WDCP: variants seen among roughly 807,000 people sequenced by gnomAD.
WDCP encodes WD repeat and coiled-coil-containing protein.
Under a neutral mutation model 41.6 loss-of-function variants are expected in WDCP, and 19 were observed. That is an observed-to-expected ratio of 0.46 (90% CI 0.32 to 0.67). The LOEUF is 0.67. Ranked by LOEUF, WDCP falls within the 30% of genes least tolerant of loss-of-function variation. WDCP has a pLI of 0.04. For synonymous variants in WDCP, 302 were observed against 320.8 expected (o/e 0.94, Z 0.63); for missense variants, 802 against 850.7 (o/e 0.94, Z 0.71).
chr2:24,043,063 G>A (rs959474394), intron 1 of WDCP, among the ~76,000 whole-genome samples: 4 of 152,020 alleles, frequency 2.6e-5, no homozygotes, highest in Non-Finnish European at 4.4e-5. Context: ...ACTGGGCCAG[G>A]TGGCTCATGC....
intron 1 of WDCP, among the ~76,000 whole-genome samples, chr2:24,042,178 G>A (rs1006048723): frequency 1.3e-5 from 2 of 152,132 alleles, no homozygotes; most frequent in Non-Finnish European, 2.9e-5. Flanking sequence ...GAGAAGGGCA[G>A]ATCACGTGAG....
rs4041250 is a variant in WDCP, at chr2:24,045,631, G to GAGGA, written c.-19+1679_-19+1682dup. ...AAAAAAAAAAAAAAAGAGAGAGAGA[G>GAGGA]AGGAAGGAAGGAAGGAAGGAAGGAA... is the stretch of plus-strand genomic sequence containing the variant. On this transcript the variant is annotated intron_variant, in intron 1 of 3. Transcript: ENST00000295148. 2.4e-4 allele frequency among the ~76,000 whole-genome samples: 25 copies of GAGGA among 106,154 alleles called. No homozygotes were observed. The East Asian group carries it at 2.8e-3, about 12-fold the overall frequency. The allele number at this position is 106,154 out of a possible 152,430, so 69.6% of individuals were successfully genotyped here.
chr2:24,039,500 T>C lies in WDCP; in HGVS notation c.-6A>G, dbSNP rs776594505. On this transcript the variant is annotated 5_prime_UTR_variant, in exon 2 of 4. Coordinates refer to ENST00000295148, the MANE Select transcript of WDCP (RefSeq NM_025203.3). ...TTTCCTTTTCCCAACTCCATCCTTT[T>C]GATAAAGGTTACCTGAAATGATTAA... 3.1e-6 allele frequency: 5 copies of C among 1,608,280 alleles called. No individual in the cohort carries two copies. The highest frequency in any genetic ancestry group is 2.6e-6 in the Non-Finnish European group (3 of 1,175,510).
rs1663050053 is a variant in WDCP at position 24,029,441 on chromosome 2, T to C, written c.*1492A>G. The C allele has an allele frequency of 6.6e-6, 1 of 152,236 alleles. No individual in the cohort carries two copies. The highest frequency in any genetic ancestry group is 1.5e-5 in the Non-Finnish European group (1 of 68,042). 9.4% of individuals were successfully genotyped at this position (152,236 alleles called of 1,614,324 possible). A position where few individuals can be genotyped will look rare whatever the true frequency, so the allele number is the denominator to read the frequency against. ...CCCTTTTAGGTGCCCACATTGATCT[T>C]AGTTAACAGTCTTGTAGTTCCCTCT... On this transcript the variant is annotated 3_prime_UTR_variant, in exon 4 of 4. Coordinates refer to ENST00000295148, the MANE Select transcript of WDCP (RefSeq NM_025203.3).
chr2:24,043,482 G>A (rs113169897), intron 1 of WDCP, among the ~76,000 whole-genome samples: 2,244 of 146,672 alleles, frequency 0.015, 40 homozygotes, highest in Non-Finnish European at 0.02. Flanking sequence ...GCAAGATACT[G>A]TCTCTACTTA....
chr2:24,034,224 C>T (rs988214788), intron 2 of WDCP, among the ~76,000 whole-genome samples: 1 of 152,154 alleles, frequency 6.6e-6, no homozygotes, highest in Non-Finnish European at 1.5e-5. Flanking sequence ...AGTTCGAGAC[C>T]AGCCTGGCCA....
chr2:24,036,120 C>G (rs1663248826), intron 2 of WDCP, among the ~76,000 whole-genome samples: 1 of 143,156 alleles, frequency 7.0e-6, no homozygotes, highest in Admixed American at 6.9e-5. Context: ...TAAAATGCTC[C>G]TCACAGCAAA....
chr2:24,032,783 GGGA>G, intron 3 of WDCP, 43 bp downstream of exon 3: 2 of 1,048,582 alleles, frequency 1.9e-6, no homozygotes, highest in Non-Finnish European at 3.0e-6. Flanking sequence ...CAGATGGTGG[GGGA>G]GGCAAGGATG....
At chr2:24,032,342 A>C (rs1663120932) in intron 3 of WDCP, among the ~76,000 whole-genome samples, 1 of 152,114 alleles carries the variant, frequency 6.6e-6, no homozygotes. Context: ...TCTCTACGAA[A>C]ATACAAAAAA....
intron 1 of WDCP, 64 bp from the exon 2 acceptor site, chr2:24,039,576 T>C: frequency 6.8e-7 from 1 of 1,473,248 alleles, no homozygotes; most frequent in Non-Finnish European, 9.2e-7. Flanking sequence ...ATGTAGGACA[T>C]TTGGTAAGAC....
At chr2:24,040,953 C>G (rs1215744963) in intron 1 of WDCP, among the ~76,000 whole-genome samples, 1 of 151,644 alleles carries the variant, frequency 6.6e-6, no homozygotes, top group East Asian at 1.9e-4. Context: ...GAGGCAGAGG[C>G]TACAGTGAGC....
At position 24,039,144 on chromosome 2, in the gene WDCP, C is replaced by T. The variant is rs1290173237; in HGVS notation, c.351G>A (p.Gln117=). The change falls in exon 2 of 4, where the codon CAG becomes CAA. Residue 117 remains glutamine (Q), a synonymous_variant. Transcript: ENST00000295148. ...EIRGSLPILP[Q]GCVWHPKCAI... is the part of the protein sequence containing the mutation. Reference sequence around the variant, plus strand: ...CACATTTTGGGTGCCACACACAGCCCTGGGGAAGGATAGGTAGTGATCCTC... The same window carrying T: ...CACATTTTGGGTGCCACACACAGCCTTGGGGAAGGATAGGTAGTGATCCTC... 1 of 1,614,092 alleles carries T rather than the reference C, an allele frequency of 6.2e-7. No homozygotes were observed. Among genetic ancestry groups the T allele is most frequent in the Non-Finnish European group, 8.5e-7 (1 of 1,180,046 alleles).
intron 2 of WDCP, among the ~76,000 whole-genome samples, chr2:24,036,229 C>T (rs566216483): frequency 5.3e-5 from 8 of 150,422 alleles, no homozygotes; most frequent in Admixed American, 2.6e-4. Flanking sequence ...GTTGGGGCCA[C>T]ATGCAGTGGC....
chr2:24,032,696 A>AATC (rs752314999), intron 3 of WDCP, 133 bp downstream of exon 3: 94 of 664,658 alleles, frequency 1.4e-4, no homozygotes, highest in Non-Finnish European at 2.3e-4. Flanking sequence ...TAATAATAAT[A>AATC]ATAGATTACT....
intron 1 of WDCP, chr2:24,045,752 C>T (rs1450680160): frequency 2.6e-5 from 4 of 151,946 alleles, no homozygotes; most frequent in African/African-American, 9.7e-5. Flanking sequence ...GTGGGAGGAT[C>T]ACTTGATGCC....
At position 24,039,123 on chromosome 2, in the gene WDCP, T is replaced by C. The variant is rs758856224; in HGVS notation, c.372A>G (p.Lys124=). Residue 124 remains lysine, a synonymous_variant, in exon 2 of 4, where the codon AAA becomes AAG. Coordinates refer to ENST00000295148, the MANE Select transcript of WDCP (RefSeq NM_025203.3). ...ILPQGCVWHP[K]CAILTVLTAQ... ...CAGTCAACACAGTCAGAATAGCACA[T>C]TTTGGGTGCCACACACAGCCCTGGG... 2.0e-5 allele frequency: 32 copies of C among 1,614,182 alleles called. No homozygotes were observed. The South Asian group carries it at 3.2e-4, about 16-fold the overall frequency.
At chr2:24,032,732 A>G in intron 3 of WDCP, 97 bp downstream of exon 3, 3 of 737,648 alleles carry the variant, frequency 4.1e-6, no homozygotes, top group Non-Finnish European at 7.4e-6. Context: ...GAATTACTGA[A>G]TGGTTGGTAT....
At chr2:24,037,331 T>A (rs1033681071) in intron 2 of WDCP, among the ~76,000 whole-genome samples, 2 of 152,194 alleles carry the variant, frequency 1.3e-5, no homozygotes, top group African/African-American at 4.8e-5. Context: ...CAACATAACC[T>A]TTTTTATAAC....
intron 1 of WDCP, among the ~76,000 whole-genome samples, chr2:24,040,932 T>C (rs1663408830): frequency 6.7e-6 from 1 of 148,394 alleles, no homozygotes. Flanking sequence ...AGGAGAATCG[T>C]TTGAACTGGG....
Sources: gnomAD v4.1 joint callset for allele counts (sites outside exome capture counted in the v4.1 genomes callset) on GRCh38, gnomAD v4.1.1 for gene constraint, MANE v1.5 for transcripts, NCBI Gene and HGNC (gene_info 2026-07-23, HGNC 2026-07-21) for gene names.